Variants in SRPK2 observed in about 807,000 individuals in gnomAD.
The protein encoded by SRPK2 is SFRS protein kinase 2.
In SRPK2, 21 loss-of-function variants were observed where a neutral mutation model predicts 90.8. The observed-to-expected ratio is 0.23, with a 90% CI of 0.16 to 0.33. The LOEUF is 0.33. SRPK2 is among the 10% of genes least tolerant of loss of function. The pLI, the probability that SRPK2 is intolerant of heterozygous loss-of-function variation, is 1.00. For missense variants in SRPK2, 620 were observed against 869.0 expected (o/e 0.71, Z 3.60); for synonymous variants, 288 against 311.1 (o/e 0.93, Z 0.78).
intron 2 of SRPK2, among the ~76,000 whole-genome samples, chr7:105,342,393 T>C (rs1365149878): frequency 6.6e-6 from 1 of 151,530 alleles, no homozygotes; most frequent in African/African-American, 2.4e-5. Context: ...GGAAATGTGA[T>C]TTTTGTAGAA....
intron 2 of SRPK2, among the ~76,000 whole-genome samples, chr7:105,247,719 TTA>T (rs551825850): frequency 2.6e-5 from 2 of 75,822 alleles, no homozygotes; most frequent in African/African-American, 7.2e-5. Context: ...CCTATTTTTT[TTA>T]AAAAAAAGTT....
intron 15 of SRPK2, among the ~76,000 whole-genome samples, chr7:105,123,573 A>G (rs367675094): frequency 6.6e-6 from 1 of 152,336 alleles, no homozygotes; most frequent in South Asian, 2.1e-4. Flanking sequence ...CATTATTTCC[A>G]AAATTATGGA....
intron 1 of SRPK2, among the ~76,000 whole-genome samples, chr7:105,398,780 C>G (rs1208537501): frequency 6.6e-6 from 1 of 152,182 alleles, no homozygotes; most frequent in Non-Finnish European, 1.5e-5. Context: ...AAGAGAGTGG[C>G]AGAGCCAGAC....
chr7:105,357,356 T>A (rs1817896556), intron 2 of SRPK2, among the ~76,000 whole-genome samples: 1 of 152,182 alleles, frequency 6.6e-6, no homozygotes, highest in Non-Finnish European at 1.5e-5. Flanking sequence ...ACTAATTTTT[T>A]AAAAAACTGC....
intron 2 of SRPK2, among the ~76,000 whole-genome samples, chr7:105,292,088 T>C (rs754003269): frequency 6.6e-6 from 1 of 152,290 alleles, no homozygotes; most frequent in East Asian, 1.9e-4. Flanking sequence ...GAAATACACA[T>C]GAGCCTCAGC....
intron 2 of SRPK2, among the ~76,000 whole-genome samples, chr7:105,292,820 C>T (rs904133410): frequency 1.1e-4 from 16 of 152,200 alleles, no homozygotes; most frequent in African/African-American, 3.4e-4. Flanking sequence ...ATCTATGGCA[C>T]TTGAATGTTT....
chr7:105,127,270 A>T (rs1291978842), intron 13 of SRPK2, among the ~76,000 whole-genome samples: 2 of 152,228 alleles, frequency 1.3e-5, no homozygotes, highest in Non-Finnish European at 2.9e-5. Flanking sequence ...AAGATATAAG[A>T]GCTATGTATT....
intron 2 of SRPK2, among the ~76,000 whole-genome samples, chr7:105,380,382 T>G (rs539996592): frequency 3.9e-4 from 60 of 152,240 alleles, no homozygotes; most frequent in Non-Finnish European, 6.9e-4. Context: ...TCCTCACTGA[T>G]CTTTAAAAGA....
At chr7:105,384,556 T>A (rs1455575458) in intron 2 of SRPK2, among the ~76,000 whole-genome samples, 3 of 152,212 alleles carry the variant, frequency 2.0e-5, no homozygotes. Flanking sequence ...GTCACATAAT[T>A]CAAGTTTGCC....
intron 1 of SRPK2, among the ~76,000 whole-genome samples, chr7:105,397,616 C>T (rs1043995406): frequency 2.0e-5 from 3 of 151,994 alleles, no homozygotes; most frequent in Non-Finnish European, 2.9e-5. Context: ...GCATGAGCCA[C>T]CACACCTGGC....
At chr7:105,300,684 C>A (rs188806093) in intron 2 of SRPK2, among the ~76,000 whole-genome samples, 340 of 152,206 alleles carry the variant, frequency 2.2e-3, no homozygotes, top group Non-Finnish European at 3.5e-3. Context: ...AATCAAACAA[C>A]CACATCAAAA....
chr7:105,143,740 T>A (rs1054148323), intron 9 of SRPK2: 1 of 192,670 alleles, frequency 5.2e-6, no homozygotes, highest in African/African-American at 2.4e-5. Flanking sequence ...CCCGAGCAGG[T>A]GTATGTCACT....
upstream of SRPK2, chr7:105,389,021 G>T: frequency 1.0e-6 from 1 of 973,088 alleles, no homozygotes; most frequent in Non-Finnish European, 1.2e-6. Flanking sequence ...CCCGGGGGTC[G>T]GGACCCCAGC....
chr7:105,138,044 TTA>T (rs1803142711), intron 11 of SRPK2, among the ~76,000 whole-genome samples: 1 of 152,144 alleles, frequency 6.6e-6, no homozygotes, highest in Non-Finnish European at 1.5e-5. Flanking sequence ...TTTGCCAATA[TTA>T]AAATGCTCTT....
Position 105,309,741 on chromosome 7 carries a change from T to G in SRPK2, c.71+78907A>C, listed in dbSNP as rs544137190. The stretch of plus-strand genomic sequence containing the variant: ...CAATTTTAAAGCACTGTCAACCACA[T>G]GATCACATCTACAGAAGTGATCCAG... On this transcript the variant is annotated intron_variant, in intron 2 of 15. Coordinates refer to ENST00000393651, the MANE Select transcript of SRPK2 (RefSeq NM_182692.3). Among the ~76,000 whole-genome samples the G allele has an allele frequency of 3.3e-5, 5 of 152,320 alleles. No homozygotes were observed. In the East Asian group the frequency reaches 9.7e-4, roughly 29 times the overall value.
At chr7:105,371,309 A>G (rs2132447964) in intron 2 of SRPK2, among the ~76,000 whole-genome samples, 1 of 149,284 alleles carries the variant, frequency 6.7e-6, no homozygotes, top group East Asian at 2.0e-4. Context: ...GAACATGGTG[A>G]AAAAAAAAAA....
chr7:105,284,651 A>AC (rs1807819576), intron 2 of SRPK2, among the ~76,000 whole-genome samples: 1 of 152,222 alleles, frequency 6.6e-6, no homozygotes, highest in African/African-American at 2.4e-5. Flanking sequence ...GTACTCCCAC[A>AC]CAGTACCCCT....
At chr7:105,225,543 T>C (rs1328490304) in intron 2 of SRPK2, among the ~76,000 whole-genome samples, 1 of 152,232 alleles carries the variant, frequency 6.6e-6, no homozygotes, top group Admixed American at 6.5e-5. Context: ...CTTTTAAGTA[T>C]GACACATATC....
At chr7:105,263,196 G>T (rs1476081296) in intron 2 of SRPK2, among the ~76,000 whole-genome samples, 1 of 152,018 alleles carries the variant, frequency 6.6e-6, no homozygotes, top group Admixed American at 6.6e-5. Context: ...GGTGGCGCGG[G>T]CCTGTAATCC....
Sources: allele counts gnomAD v4.1 joint callset (sites outside exome capture counted in the v4.1 genomes callset), GRCh38; gene constraint gnomAD v4.1.1; transcripts MANE v1.5; gene names NCBI Gene and HGNC (gene_info 2026-07-23, HGNC 2026-07-21).